Variants in WNT7B observed in about 807,000 individuals in gnomAD.
The protein encoded by WNT7B is protein Wnt-7b.
WNT7B carries 19 observed loss-of-function variants against 38.2 expected under a neutral mutation model. The ratio of observed to expected loss-of-function variants is 0.50; its 90% CI spans 0.35 to 0.73. The LOEUF (loss-of-function observed/expected upper bound fraction) is 0.73. WNT7B is among the 30% of genes least tolerant of loss of function. The pLI, the probability that WNT7B is intolerant of heterozygous loss-of-function variation, is 0.01. For missense variants in WNT7B, 423 were observed against 507.9 expected (o/e 0.83, Z 1.61); for synonymous variants, 243 against 209.3 (o/e 1.16, Z -1.39).
Position 45,965,242 on chromosome 22 carries a change from G to T in WNT7B, c.71+11442C>A, listed in dbSNP as rs887695928. Among the ~76,000 whole-genome samples the T allele has an allele frequency of 2.6e-5, 4 of 152,204 alleles. No individual in the cohort carries two copies. Among genetic ancestry groups the T allele is most frequent in the African/African-American group, 9.7e-5 (4 of 41,448 alleles). On this transcript the variant is annotated intron_variant, in intron 1 of 3. Coordinates refer to ENST00000339464, the MANE Select transcript of WNT7B (RefSeq NM_058238.3). This position sits in a 1 kb window ranked among gnomAD's most constrained non-coding sequence, Gnocchi z 6.5. ...TCCTTCAGGGCCGAGGTCAGAGGCTGCCTTACTTGAGAGGTCTTCCCTGGG... is the reference window on the plus strand; with the variant it reads ...TCCTTCAGGGCCGAGGTCAGAGGCTTCCTTACTTGAGAGGTCTTCCCTGGG...
rs577855916 is a variant in WNT7B, at chr22:45,922,751, C to A, written c.*105G>T. 9.2e-5 allele frequency: 138 copies of A among 1,501,580 alleles called. No individual in the cohort carries two copies. The highest frequency in any genetic ancestry group is 2.4e-4 in the Admixed American group (11 of 46,704). The allele number at this position is 1,501,580 out of a possible 1,614,324, so 93.0% of individuals were successfully genotyped here. ...CACCTGGAGCTCCCCGCTTCTGCAC[C>A]CGTCTATGTCTGCTGCTGGCAGCAC... On this transcript the variant is annotated 3_prime_UTR_variant, in exon 4 of 4. Coordinates refer to ENST00000339464, the MANE Select transcript of WNT7B (RefSeq NM_058238.3).
chr22:45,961,028 G>A (rs531831807), intron 1 of WNT7B, among the ~76,000 whole-genome samples: 9 of 152,330 alleles, frequency 5.9e-5, no homozygotes, highest in Non-Finnish European at 8.8e-5. Flanking sequence ...GGCCAGATGG[G>A]TATCTACTCA....
At chr22:45,957,708 A>C (rs1230322114) in intron 1 of WNT7B, among the ~76,000 whole-genome samples, 3 of 151,018 alleles carry the variant, frequency 2.0e-5, no homozygotes, top group Non-Finnish European at 3.0e-5. Context: ...AAAAAAAAAA[A>C]AAAACAGAAA....
intron 1 of WNT7B, among the ~76,000 whole-genome samples, chr22:45,955,325 C>T (rs990496194): frequency 2.0e-5 from 3 of 152,162 alleles, no homozygotes; most frequent in Non-Finnish European, 4.4e-5. Context: ...AGAGAATGGT[C>T]GGCATGGGAA....
rs1932530200 is a variant in WNT7B, at chr22:45,975,448, C to T, written c.71+1236G>A. 3.0e-6 allele frequency: 2 copies of T among 676,188 alleles called. No homozygotes were observed. The highest frequency in any genetic ancestry group is 2.8e-6 in the Non-Finnish European group (1 of 361,308). 41.9% of individuals were successfully genotyped at this position (676,188 alleles called of 1,614,324 possible). A position where few individuals can be genotyped will look rare whatever the true frequency, so the allele number is the denominator to read the frequency against. ...TACCGGCAGCCGCAGACACGCCCGC[C>T]CAGACCTGCAGGGCTCAGGCTAGGA... is the stretch of plus-strand genomic sequence containing the variant. On this transcript the variant is annotated intron_variant, in intron 1 of 3. Coordinates refer to ENST00000339464, the MANE Select transcript of WNT7B (RefSeq NM_058238.3). This position sits in a 1 kb window ranked among gnomAD's most constrained non-coding sequence, Gnocchi z 6.6.
At chr22:45,944,176 C>G (rs745480399) in intron 2 of WNT7B, among the ~76,000 whole-genome samples, 11 of 152,222 alleles carry the variant, frequency 7.2e-5, no homozygotes, top group Non-Finnish European at 1.6e-4. Context: ...CAGACTCCAT[C>G]CCCACTCCAC....
At chr22:45,926,591 C>A (rs911587623) in intron 3 of WNT7B, 1 of 985,384 alleles carries the variant, frequency 1.0e-6, no homozygotes, top group Non-Finnish European at 1.2e-6. Context: ...GCCACTGGGG[C>A]CGACAGAAGG....
At chr22:45,956,885 A>G (rs1932076063) in intron 1 of WNT7B, among the ~76,000 whole-genome samples, 2 of 151,858 alleles carry the variant, frequency 1.3e-5, no homozygotes, top group African/African-American at 2.4e-5. Context: ...AGATGGGTGG[A>G]TCATGAAGTC....
intron 2 of WNT7B, chr22:45,935,779 C>T (rs56135655): frequency 0.066 from 64,670 of 979,582 alleles, 2,333 homozygotes; most frequent in East Asian, 0.19. Flanking sequence ...GATGGGAAAA[C>T]CGAGCCTTCA....
chr22:45,933,927 G>C (rs1017294272), intron 2 of WNT7B, among the ~76,000 whole-genome samples: 1 of 152,212 alleles, frequency 6.6e-6, no homozygotes, highest in Non-Finnish European at 1.5e-5. Flanking sequence ...CAGCTGCTGG[G>C]GAGGGCTGGA....
intron 1 of WNT7B, among the ~76,000 whole-genome samples, chr22:45,960,194 G>A (rs1932164138): frequency 6.6e-6 from 1 of 152,128 alleles, no homozygotes; most frequent in Admixed American, 6.5e-5. Context: ...GGTGGCCCCA[G>A]ACCTGCCCCC....
At chr22:45,929,644 T>C (rs1352910747) in intron 3 of WNT7B, among the ~76,000 whole-genome samples, 12 of 100,830 alleles carry the variant, frequency 1.2e-4, no homozygotes, top group African/African-American at 4.1e-4. Flanking sequence ...ATGCATCCAC[T>C]CATCCATCCT....
chr22:45,954,836 C>T (rs903642509), intron 1 of WNT7B: 4 of 854,162 alleles, frequency 4.7e-6, no homozygotes, highest in Middle Eastern at 5.9e-4. Context: ...CAGACCTCAC[C>T]TATGTATCAT....
At chr22:45,936,406 G>C (rs1328298846) in intron 2 of WNT7B, among the ~76,000 whole-genome samples, 1 of 152,208 alleles carries the variant, frequency 6.6e-6, no homozygotes, top group Non-Finnish European at 1.5e-5. Context: ...GTCTGTCTGT[G>C]CTCCATGCAG....
chr22:45,961,407 C>T (rs1021256592), intron 1 of WNT7B, among the ~76,000 whole-genome samples: 12 of 152,204 alleles, frequency 7.9e-5, no homozygotes, highest in Admixed American at 5.9e-4. Context: ...AGGCCCAAAG[C>T]GCTCCCCTTT....
chr22:45,972,272 T>A, intron 1 of WNT7B: 1 of 602,276 alleles, frequency 1.7e-6, no homozygotes, highest in South Asian at 1.8e-5. Context: ...CTGAACAGGC[T>A]CCGCGGGCCG....
At chr22:45,926,172 G>A (rs1196321518) in intron 3 of WNT7B, 1 of 985,326 alleles carries the variant, frequency 1.0e-6, no homozygotes. Context: ...CCTCTCCCAG[G>A]AAGTGATCAC....
rs144232500 is a variant in WNT7B, at chr22:45,934,394, G to C, written c.299-3025C>G. 4.6e-3 allele frequency among the ~76,000 whole-genome samples: 699 copies of C among 152,274 alleles called. 5 individuals are homozygous for C. Among genetic ancestry groups the C allele is most frequent in the African/African-American group, 0.016 (662 of 41,548 alleles). ...AAGGCGCAGCTGTAGGCAGGCTCTG[G>C]GTAGGAGCTCTAGGGAGGCTGAGCT... On this transcript the variant is annotated intron_variant, in intron 2 of 3. Coordinates refer to ENST00000339464, the MANE Select transcript of WNT7B (RefSeq NM_058238.3).
intron 2 of WNT7B, among the ~76,000 whole-genome samples, chr22:45,935,623 C>A (rs1349458287): frequency 1.3e-5 from 2 of 152,220 alleles, no homozygotes; most frequent in Admixed American, 6.5e-5. Flanking sequence ...CCTCAGGCTG[C>A]AGGCAGGATC....
Sources: gnomAD v4.1 joint callset for allele counts (sites outside exome capture counted in the v4.1 genomes callset) on GRCh38, gnomAD v4.1.1 for gene constraint, Gnocchi (gnomAD v3.1) non-coding constraint, MANE v1.5 for transcripts, NCBI Gene and HGNC (gene_info 2026-07-23, HGNC 2026-07-21) for gene names.